Variants in NUP58 observed in about 807,000 individuals in gnomAD.
The protein encoded by NUP58 is nucleoporin p58/p45.
NUP58 carries 17 observed loss-of-function variants against 70.1 expected under a neutral mutation model. The observed-to-expected ratio is 0.24, with a 90% confidence interval of 0.17 to 0.36. The LOEUF (loss-of-function observed/expected upper bound fraction) is 0.36. Ranked by LOEUF, NUP58 falls within the 10% of genes least tolerant of loss-of-function variation. The pLI is 1.00. For missense variants in NUP58, 644 were observed against 701.5 expected, an observed-to-expected ratio of 0.92 and a Z score of 0.93; for synonymous variants, 275 against 257.6, an observed-to-expected ratio of 1.07 and a Z score of -0.65.
At chr13:25,315,187 G>C (rs2030869740) in intron 5 of NUP58, among the ~76,000 whole-genome samples, 170 bp from the exon 6 acceptor site, 1 of 152,180 alleles carries the variant, frequency 6.6e-6, no homozygotes, top group Non-Finnish European at 1.5e-5. Context: ...ATTCAAGAAA[G>C]GTTATCAGTC....
At chr13:25,333,242 A>C in intron 13 of NUP58, 1 of 985,292 alleles carries the variant, frequency 1.0e-6, no homozygotes, top group Non-Finnish European at 1.2e-6. Context: ...TCATTCTCTA[A>C]ATGAGTGCCT....
In NUP58 at chr13:25,317,739, G is replaced by A. The variant is rs888919978; in HGVS notation, c.686-1587G>A. The stretch of plus-strand genomic sequence containing the variant: ...AATTTTAGAGATACTAAATATGAAA[G>A]AAAAAAATCTTAATAAAATACAAAA... On this transcript the variant is annotated intron_variant, in intron 6 of 15. Coordinates refer to ENST00000381736, the MANE Select transcript of NUP58 (RefSeq NM_014089.4). 5.4e-5 allele frequency: 8 copies of A among 146,870 alleles called. 1 individual carries two copies. In the South Asian group the frequency reaches 8.7e-4, roughly 16 times the overall value. The allele number at this position is 146,870 out of a possible 1,614,324, so 9.1% of individuals were successfully genotyped here.
chr13:25,328,645 C>T (rs1371245216), intron 12 of NUP58, among the ~76,000 whole-genome samples: 2 of 152,136 alleles, frequency 1.3e-5, no homozygotes, highest in Admixed American at 1.3e-4. Context: ...AATCCTCCCT[C>T]CTCGGCCTCC....
chr13:25,319,860 A>G lies in NUP58; in HGVS notation c.710+510A>G, dbSNP rs938898556. Among the ~76,000 whole-genome samples the G allele has an allele frequency of 2.6e-5, 4 of 152,124 alleles. No individual in the cohort carries two copies. The East Asian group carries it at 7.7e-4, about 29-fold the overall frequency. ...TAAAGCATTCATAAATAAATGACAA[A>G]TTCACTCCTTACAAACATCCTGTGT... On this transcript the variant is annotated intron_variant, in intron 7 of 15. Coordinates refer to ENST00000381736, the MANE Select transcript of NUP58 (RefSeq NM_014089.4).
intron 9 of NUP58, 73 bp downstream of exon 9, chr13:25,321,166 T>C: frequency 7.9e-7 from 1 of 1,269,876 alleles, no homozygotes; most frequent in Non-Finnish European, 1.1e-6. Flanking sequence ...ATAAGGTGTT[T>C]TGTTTTGTTT....
chr13:25,305,779 A>T (rs1028508345), intron 1 of NUP58, among the ~76,000 whole-genome samples: 1 of 152,144 alleles, frequency 6.6e-6, no homozygotes, highest in Non-Finnish European at 1.5e-5. Context: ...TGCTTGAATT[A>T]TCTCCTGCTT....
intron 13 of NUP58, chr13:25,333,966 G>A (rs2031697713): frequency 3.0e-6 from 3 of 985,220 alleles, no homozygotes; most frequent in East Asian, 1.1e-4. Flanking sequence ...TTAGACTGCT[G>A]CCTTCTGAAG....
At chr13:25,325,121 C>T in intron 10 of NUP58, 53 bp downstream of exon 10, 5 of 1,256,092 alleles carry the variant, frequency 4.0e-6, no homozygotes, top group Non-Finnish European at 5.8e-6. Flanking sequence ...GAAAGCAGAA[C>T]AGTAATAATA....
chr13:25,340,239 G>T lies in NUP58; in HGVS notation c.*105G>T. ...AATTGCATCCCAGGAGATTTATAAAGTTTTGATATTTTTCCCTACTCTGGA... is the reference window on the plus strand; with the variant it reads ...AATTGCATCCCAGGAGATTTATAAATTTTTGATATTTTTCCCTACTCTGGA... On this transcript the variant is annotated 3_prime_UTR_variant, in exon 16 of 16. Transcript: ENST00000381736. 2.7e-6 allele frequency: 3 copies of T among 1,121,566 alleles called. No homozygotes were observed. Among genetic ancestry groups the T allele is most frequent in the South Asian group, 4.7e-5 (2 of 42,876 alleles). The allele number at this position is 1,121,566 out of a possible 1,614,324, so 69.5% of individuals were successfully genotyped here. A position where few individuals can be genotyped will look rare whatever the true frequency, so the allele number is the denominator to read the frequency against.
chr13:25,311,275 C>A (rs995708049), intron 3 of NUP58, among the ~76,000 whole-genome samples: 10 of 152,076 alleles, frequency 6.6e-5, no homozygotes, highest in Non-Finnish European at 1.5e-4. Flanking sequence ...ATATGTCGTG[C>A]CTTTAGACTC....
rs1020505830 is a variant in NUP58, at chr13:25,319,433, T to A, written c.710+83T>A. ...TGTAGGCAGATGGTATAATTGAAAG[T>A]AAATATCATATACATTTAGGAGAAA... On this transcript the variant is annotated intron_variant, in intron 7 of 15. Transcript: ENST00000381736. 20 of 1,282,002 alleles carry A rather than the reference T, an allele frequency of 1.6e-5. 1 individual carries two copies. In the Admixed American group the frequency reaches 2.6e-4, roughly 17 times the overall value. 79.4% of individuals were successfully genotyped at this position (1,282,002 alleles called of 1,614,324 possible). A position where few individuals can be genotyped will look rare whatever the true frequency, so the allele number is the denominator to read the frequency against.
chr13:25,328,788 CA>C (rs1475751779), intron 12 of NUP58, among the ~76,000 whole-genome samples: 62 of 152,276 alleles, frequency 4.1e-4, no homozygotes, highest in African/African-American at 1.5e-3. Context: ...ACTAACTGAG[CA>C]AATGTAATTA....
chr13:25,332,281 A>G, intron 13 of NUP58: 1 of 985,498 alleles, frequency 1.0e-6, no homozygotes, highest in Non-Finnish European at 1.2e-6. Context: ...TGGTTTAGTT[A>G]CACTTCTAAT....
intron 13 of NUP58, chr13:25,331,980 A>G: frequency 9.8e-7 from 1 of 1,024,634 alleles, no homozygotes; most frequent in Non-Finnish European, 1.2e-6. Flanking sequence ...TTTTCCTCAT[A>G]CATAGTGATT....
chr13:25,346,056 G>A (rs1022576962), downstream of NUP58, among the ~76,000 whole-genome samples: 4 of 152,132 alleles, frequency 2.6e-5, no homozygotes, highest in African/African-American at 2.4e-5. Flanking sequence ...TTAATCCCCC[G>A]GGAAGCAAGT....
chr13:25,346,110 C>T (rs1053421149), downstream of NUP58, among the ~76,000 whole-genome samples: 1 of 152,176 alleles, frequency 6.6e-6, no homozygotes, highest in Non-Finnish European at 1.5e-5. Flanking sequence ...GTGTGATCCA[C>T]TGCTGGGAAT....
intron 1 of NUP58, 47 bp from the exon 2 acceptor site, chr13:25,307,759 C>T (rs754109054): frequency 1.2e-6 from 2 of 1,602,122 alleles, no homozygotes; most frequent in East Asian, 4.5e-5. Flanking sequence ...TAGTAGACCT[C>T]CTTTTGTGCA....
At chr13:25,308,908 AT>A (rs2137724924) in intron 2 of NUP58, among the ~76,000 whole-genome samples, 1 of 152,374 alleles carries the variant, frequency 6.6e-6, no homozygotes, top group Non-Finnish European at 1.5e-5. Context: ...AACTACAGGA[AT>A]AAATATGAGC....
intron 14 of NUP58, among the ~76,000 whole-genome samples, chr13:25,337,400 C>T (rs1272313602): frequency 6.6e-6 from 1 of 152,102 alleles, no homozygotes; most frequent in Admixed American, 6.6e-5. Flanking sequence ...GGATGATATA[C>T]ATTCTCCTAA....
Sources: allele counts gnomAD v4.1 joint callset (sites outside exome capture counted in the v4.1 genomes callset), GRCh38; gene constraint gnomAD v4.1.1; transcripts MANE v1.5; gene names NCBI Gene and HGNC (gene_info 2026-07-23, HGNC 2026-07-21).